STXBP4: variants seen among roughly 807,000 people sequenced by gnomAD.
The protein encoded by STXBP4 is syntaxin-binding protein 4.
STXBP4 carries 55 observed loss-of-function variants against 76.1 expected under a neutral mutation model. That is an observed-to-expected ratio of 0.72 (90% CI 0.58 to 0.91). The LOEUF is 0.91. Ranked by LOEUF, STXBP4 falls within the 40% of genes least tolerant of loss-of-function variation. STXBP4 has a pLI of 0.00. For missense variants in STXBP4, 618 were observed against 636.9 expected, an observed-to-expected ratio of 0.97 and a Z score of 0.32; for synonymous variants, 201 against 220.2, an observed-to-expected ratio of 0.91 and a Z score of 0.77.
chr17:55,009,963 C>G (rs2078077921), intron 8 of STXBP4, among the ~76,000 whole-genome samples: 1 of 151,888 alleles, frequency 6.6e-6, no homozygotes, highest in South Asian at 2.1e-4. Context: ...ACTTTGTAGA[C>G]AGATTCAACT....
chr17:55,061,176 A>G (rs2078989619), intron 12 of STXBP4, among the ~76,000 whole-genome samples: 1 of 152,226 alleles, frequency 6.6e-6, no homozygotes, highest in Admixed American at 6.5e-5. Flanking sequence ...TGCAGCTGAC[A>G]TGTGAGCTAT....
At chr17:55,075,961 C>A (rs902549604) in intron 13 of STXBP4, among the ~76,000 whole-genome samples, 2 of 152,088 alleles carry the variant, frequency 1.3e-5, no homozygotes, top group African/African-American at 4.8e-5. Context: ...ATATTTATCT[C>A]TTTATTAGGC....
chr17:55,008,102 C>T (rs1288359220), intron 8 of STXBP4, among the ~76,000 whole-genome samples: 1 of 151,822 alleles, frequency 6.6e-6, no homozygotes, highest in Admixed American at 6.6e-5. Flanking sequence ...AACATTGAGA[C>T]TCTCATGTAA....
chr17:55,203,343 C>G, the STXBP4 span, among the ~76,000 whole-genome samples: 1 of 152,076 alleles, frequency 6.6e-6, no homozygotes, highest in Non-Finnish European at 1.5e-5. Context: ...ATTGTCTTTT[C>G]CACCCTCTTT....
intron 8 of STXBP4, among the ~76,000 whole-genome samples, chr17:55,020,593 G>A (rs1178712956): frequency 3.3e-5 from 5 of 151,844 alleles, no homozygotes; most frequent in African/African-American, 4.8e-5. Flanking sequence ...CAAGGCAGGC[G>A]GATCACTTGA....
chr17:54,992,832 C>A (rs911053086), intron 4 of STXBP4, among the ~76,000 whole-genome samples: 1 of 151,276 alleles, frequency 6.6e-6, no homozygotes, highest in African/African-American at 2.4e-5. Flanking sequence ...CACCTCTCAG[C>A]TTCCCTAGTA....
At chr17:55,003,664 A>AT (rs2077956272) in intron 7 of STXBP4, among the ~76,000 whole-genome samples, 1 of 152,186 alleles carries the variant, frequency 6.6e-6, no homozygotes, top group Non-Finnish European at 1.5e-5. Flanking sequence ...AGATAGTTCT[A>AT]TTTCTGTTCT....
chr17:55,005,553 G>T (rs532614931), intron 7 of STXBP4, among the ~76,000 whole-genome samples: 1 of 152,162 alleles, frequency 6.6e-6, no homozygotes, highest in Non-Finnish European at 1.5e-5. Context: ...GTAGGAAAAC[G>T]TAAGTGAGAA....
At chr17:55,101,818 G>T (rs796265948) in intron 16 of STXBP4, among the ~76,000 whole-genome samples, 1 of 152,000 alleles carries the variant, frequency 6.6e-6, no homozygotes. Context: ...ATTTTTTCTC[G>T]ATCTACAGAG....
chr17:54,992,279 A>G (rs918102148), intron 4 of STXBP4, among the ~76,000 whole-genome samples: 16 of 151,890 alleles, frequency 1.1e-4, no homozygotes, highest in African/African-American at 3.1e-4. Flanking sequence ...TCAGCCCGGC[A>G]TGGTGTTGCA....
At chr17:55,032,068 G>T (rs2078518470) in intron 9 of STXBP4, among the ~76,000 whole-genome samples, 1 of 152,072 alleles carries the variant, frequency 6.6e-6, no homozygotes, top group Non-Finnish European at 1.5e-5. Context: ...CCTCACAAAT[G>T]ATTTGGACTT....
chr17:55,102,913 C>T (rs2145024809), intron 16 of STXBP4, among the ~76,000 whole-genome samples: 1 of 152,274 alleles, frequency 6.6e-6, no homozygotes, highest in East Asian at 1.9e-4. Flanking sequence ...TTTTTGACCG[C>T]ATAAATGTCT....
chr17:55,025,407 A>G (rs1242220405), intron 8 of STXBP4, among the ~76,000 whole-genome samples: 1 of 152,154 alleles, frequency 6.6e-6, no homozygotes, highest in Non-Finnish European at 1.5e-5. Flanking sequence ...CGGCCCATCT[A>G]TTTATTTCAG....
chr17:55,096,871 A>G (rs2079493386), intron 16 of STXBP4, among the ~76,000 whole-genome samples: 2 of 152,148 alleles, frequency 1.3e-5, no homozygotes, highest in Admixed American at 6.5e-5. Context: ...AACCTGTATT[A>G]TTGCTCTTTT....
intron 13 of STXBP4, 126 bp from the exon 14 acceptor site, chr17:55,077,952 A>C: frequency 3.2e-6 from 2 of 616,450 alleles, no homozygotes; most frequent in Non-Finnish European, 5.5e-6. Context: ...AAATCAAAAC[A>C]TATGTACAGT....
At chr17:55,000,713 C>A in intron 6 of STXBP4, 95 bp from the exon 7 acceptor site, 2 of 869,278 alleles carry the variant, frequency 2.3e-6, no homozygotes, top group South Asian at 1.5e-5. Flanking sequence ...GGGATAATTA[C>A]TTTAATCTCT....
chr17:55,036,159 T>C (rs749371748), intron 10 of STXBP4, among the ~76,000 whole-genome samples: 45 of 151,982 alleles, frequency 3.0e-4, no homozygotes, highest in Non-Finnish European at 5.7e-4. Context: ...CACTTCAAAC[T>C]GCCCCCCAGA....
chr17:55,132,130 T>G (rs2079979829), intron 16 of STXBP4, among the ~76,000 whole-genome samples: 2 of 152,228 alleles, frequency 1.3e-5, no homozygotes, highest in Admixed American at 6.5e-5. Flanking sequence ...ATATCAACTC[T>G]TGGGGAAAAT....
downstream of STXBP4, among the ~76,000 whole-genome samples, chr17:55,174,855 T>G (rs981547860): frequency 2.0e-5 from 3 of 152,126 alleles, no homozygotes; most frequent in Admixed American, 6.6e-5. Flanking sequence ...ATAATGCAAC[T>G]TTTAATCTAT....
Sources: allele counts gnomAD v4.1 joint callset (sites outside exome capture counted in the v4.1 genomes callset), GRCh38; gene constraint gnomAD v4.1.1; transcripts MANE v1.5; gene names NCBI Gene and HGNC (gene_info 2026-07-23, HGNC 2026-07-21).